PHLDB2: variants seen among roughly 807,000 people sequenced by gnomAD.
The protein encoded by PHLDB2 is pleckstrin homology-like domain family B member 2.
In PHLDB2, 71 loss-of-function variants were observed where a neutral mutation model predicts 123.6. The observed-to-expected ratio is 0.57, with a 90% CI of 0.47 to 0.70. The LOEUF (loss-of-function observed/expected upper bound fraction) is 0.70, where lower values mean the gene tolerates loss of function less well. PHLDB2 is among the 30% of genes least tolerant of loss of function. The probability of loss-of-function intolerance (pLI) is 0.00; values close to 1 mark genes in which losing one functional copy is unlikely to be tolerated. For missense variants in PHLDB2, 1,446 were observed against 1,519.5 expected (o/e 0.95, Z 0.80); for synonymous variants, 547 against 541.6 (o/e 1.01, Z -0.14).
chr3:111,952,042 G>A (rs2070746257), intron 10 of PHLDB2, among the ~76,000 whole-genome samples: 1 of 152,168 alleles, frequency 6.6e-6, no homozygotes, highest in Non-Finnish European at 1.5e-5. Context: ...TTTTTAAAAA[G>A]TAACCTAGAA....
intron 1 of PHLDB2, among the ~76,000 whole-genome samples, chr3:111,817,468 A>G (rs1387078188): frequency 3.3e-5 from 5 of 152,214 alleles, no homozygotes; most frequent in African/African-American, 1.2e-4. Context: ...GGTCTTTATC[A>G]TTTCTTAGTA....
chr3:111,873,657 G>T (rs767970590), intron 1 of PHLDB2, among the ~76,000 whole-genome samples: 9 of 152,180 alleles, frequency 5.9e-5, no homozygotes, highest in Admixed American at 5.9e-4. Flanking sequence ...TTGCTTTCTG[G>T]GTTGCTGTGT....
intron 1 of PHLDB2, among the ~76,000 whole-genome samples, chr3:111,827,459 A>C (rs2062714434): frequency 6.6e-6 from 1 of 152,154 alleles, no homozygotes; most frequent in African/African-American, 2.4e-5. Flanking sequence ...GCGGATCACG[A>C]GGTCAGGAGA....
chr3:111,757,289 T>G (rs2059909884), intron 1 of PHLDB2, among the ~76,000 whole-genome samples: 2 of 152,180 alleles, frequency 1.3e-5, no homozygotes, highest in Non-Finnish European at 2.9e-5. Context: ...GGTACACCAA[T>G]CAGATGTAGA....
intron 1 of PHLDB2, among the ~76,000 whole-genome samples, chr3:111,807,347 C>T (rs998334913): frequency 6.6e-6 from 1 of 152,048 alleles, no homozygotes; most frequent in Admixed American, 6.5e-5. Flanking sequence ...AGACAAAGAA[C>T]ATAAAGAGGG....
At chr3:111,948,402 T>C (rs561455671) in intron 9 of PHLDB2, among the ~76,000 whole-genome samples, 54 of 152,318 alleles carry the variant, frequency 3.5e-4, no homozygotes, top group African/African-American at 1.3e-3. Flanking sequence ...ATAATTACTG[T>C]TTTAAAAATG....
chr3:111,923,840 C>G (rs1347559672), intron 5 of PHLDB2, among the ~76,000 whole-genome samples: 1 of 152,236 alleles, frequency 6.6e-6, no homozygotes, highest in Non-Finnish European at 1.5e-5. Context: ...TTATGAAAAT[C>G]TCTTATTTAG....
At chr3:111,891,224 C>T (rs1189022309) in intron 2 of PHLDB2, among the ~76,000 whole-genome samples, 2 of 152,136 alleles carry the variant, frequency 1.3e-5, no homozygotes, top group Admixed American at 1.3e-4. Context: ...GGGCCACAGA[C>T]CAGTAGCGTT....
chr3:111,751,927 C>G (rs2059784193), intron 1 of PHLDB2, among the ~76,000 whole-genome samples: 1 of 152,064 alleles, frequency 6.6e-6, no homozygotes, highest in South Asian at 2.1e-4. Context: ...AGCTGCATCT[C>G]AGAGAATCTA....
chr3:111,934,716 A>G (rs2069361480), intron 6 of PHLDB2, among the ~76,000 whole-genome samples: 1 of 152,234 alleles, frequency 6.6e-6, no homozygotes. Flanking sequence ...TGATATGGGC[A>G]CAGCAATCCC....
At chr3:111,851,390 G>A (rs1488103539) in intron 2 of PHLDB2, among the ~76,000 whole-genome samples, 1 of 151,854 alleles carries the variant, frequency 6.6e-6, no homozygotes, top group Non-Finnish European at 1.5e-5. Context: ...AGCCAAAATG[G>A]GCCTGCTCAT....
chr3:111,798,016 C>T (rs2061234764), intron 1 of PHLDB2, among the ~76,000 whole-genome samples: 1 of 152,128 alleles, frequency 6.6e-6, no homozygotes, highest in Non-Finnish European at 1.5e-5. Flanking sequence ...TGCTAGTAGT[C>T]CCAGCTACCT....
chr3:111,888,475 G>A (rs1405344195), intron 2 of PHLDB2, among the ~76,000 whole-genome samples: 7 of 152,038 alleles, frequency 4.6e-5, no homozygotes, highest in Admixed American at 3.9e-4. Flanking sequence ...TTTGTGGTTT[G>A]GCTATTTAAG....
chr3:111,834,281 TAATTCTATTATATACATA>T (rs2063292898), intron 1 of PHLDB2, among the ~76,000 whole-genome samples: 1 of 134,992 alleles, frequency 7.4e-6, no homozygotes, highest in Non-Finnish European at 1.6e-5. Flanking sequence ...ATAATATATA[TAATTCTATTATATACATA>T]ATATATATAA....
intron 1 of PHLDB2, among the ~76,000 whole-genome samples, chr3:111,784,226 AT>A (rs1411820440): frequency 6.6e-6 from 1 of 152,206 alleles, no homozygotes; most frequent in African/African-American, 2.4e-5. Context: ...ATTTCTCTTA[AT>A]AAAGTATTAT....
intron 1 of PHLDB2, among the ~76,000 whole-genome samples, chr3:111,880,137 G>A (rs1431772997): frequency 6.6e-6 from 1 of 151,920 alleles, no homozygotes; most frequent in Non-Finnish European, 1.5e-5. Flanking sequence ...GGCTTTCATG[G>A]CCTTTTCTAT....
At chr3:111,923,991 C>A (rs536597388) in intron 5 of PHLDB2, among the ~76,000 whole-genome samples, 1 of 152,136 alleles carries the variant, frequency 6.6e-6, no homozygotes, top group Non-Finnish European at 1.5e-5. Context: ...TGATCTGTCA[C>A]CAGCCTTTCT....
chr3:111,932,549 C>A (rs2069203464), intron 6 of PHLDB2, among the ~76,000 whole-genome samples, 152 bp downstream of exon 6: 3 of 152,174 alleles, frequency 2.0e-5, no homozygotes, highest in Admixed American at 1.3e-4. Flanking sequence ...TGCATGCTAA[C>A]AGTATATATT....
At chr3:111,814,688 T>C (rs1159186753) in intron 1 of PHLDB2, among the ~76,000 whole-genome samples, 2 of 150,814 alleles carry the variant, frequency 1.3e-5, no homozygotes, top group Non-Finnish European at 2.9e-5. Context: ...GCTGGAAAAT[T>C]TGAGACTGGG....
Sources: allele counts gnomAD v4.1 joint callset (sites outside exome capture counted in the v4.1 genomes callset), GRCh38; gene constraint gnomAD v4.1.1; transcripts MANE v1.5; gene names NCBI Gene and HGNC (gene_info 2026-07-23, HGNC 2026-07-21).